Variants in URI1 observed in about 807,000 individuals in gnomAD.
URI1 encodes URI1 prefoldin like chaperone.
Under a neutral mutation model 60.2 loss-of-function variants are expected in URI1, and 39 were observed. The ratio of observed to expected loss-of-function variants is 0.65; its 90% CI spans 0.50 to 0.85. The LOEUF (loss-of-function observed/expected upper bound fraction) is 0.85, where lower values mean the gene tolerates loss of function less well. URI1 is among the 40% of genes least tolerant of loss of function. URI1 has a pLI of 0.00. For missense variants in URI1, 691 were observed against 665.9 expected (o/e 1.04, Z -0.42); for synonymous variants, 251 against 236.8 (o/e 1.06, Z -0.55).
upstream of URI1, chr19:29,942,162 G>C: frequency 7.2e-6 from 7 of 966,260 alleles, no homozygotes; most frequent in South Asian, 4.8e-5. Context: ...CTCCCCTGGG[G>C]GCGGGGCCTG....
chr19:30,006,336 G>T (rs752178386), intron 6 of URI1, among the ~76,000 whole-genome samples: 6 of 152,098 alleles, frequency 3.9e-5, no homozygotes, highest in Non-Finnish European at 8.8e-5. Context: ...TACTGTAGAA[G>T]ACTGTACAGT....
At chr19:29,956,285 C>CTTT (rs369678110) in intron 1 of URI1, 408 of 374,778 alleles carry the variant, frequency 1.1e-3, no homozygotes, top group South Asian at 3.2e-3. Flanking sequence ...CCAGAGTAGT[C>CTTT]TTTTTTTTTT....
Position 30,015,762 on chromosome 19 carries a change from T to C in URI1, c.*693T>C, listed in dbSNP as rs1483880647. ...AGTACAGATATGTCCTTGATTCATA[T>C]GTATGCTACATGTATCACACAACAG... On this transcript the variant is annotated 3_prime_UTR_variant, in exon 11 of 11. Transcript: ENST00000392271. The C allele has an allele frequency of 6.7e-6, 4 of 600,750 alleles. No individual in the cohort carries two copies. Among genetic ancestry groups the C allele is most frequent in the Non-Finnish European group, 8.6e-6 (3 of 347,018 alleles). 37.2% of individuals were successfully genotyped at this position (600,750 alleles called of 1,614,324 possible).
intron 1 of URI1, among the ~76,000 whole-genome samples, chr19:29,954,312 T>C (rs992754084): frequency 6.6e-6 from 1 of 152,232 alleles, no homozygotes; most frequent in Non-Finnish European, 1.5e-5. Context: ...TGAATTACTT[T>C]TTTTCTGTGC....
chr19:30,001,910 C>G (rs992276512), intron 4 of URI1, among the ~76,000 whole-genome samples: 1 of 151,936 alleles, frequency 6.6e-6, no homozygotes, highest in African/African-American at 2.4e-5. Context: ...ATTCAATGTG[C>G]TATTTTAAAG....
intron 1 of URI1, among the ~76,000 whole-genome samples, chr19:29,945,661 A>AAT (rs2055094105): frequency 6.6e-6 from 1 of 152,222 alleles, no homozygotes; most frequent in South Asian, 2.1e-4. Context: ...TTATAAAGAG[A>AAT]AAAACTAAAA....
At chr19:29,948,651 G>T (rs1429278393) in intron 1 of URI1, among the ~76,000 whole-genome samples, 2 of 152,104 alleles carry the variant, frequency 1.3e-5, no homozygotes, top group East Asian at 1.9e-4. Context: ...GAGAGCACGG[G>T]GCTGGGGGTA....
At chr19:30,009,959 T>TA (rs943314548) in intron 8 of URI1, among the ~76,000 whole-genome samples, 10 of 152,268 alleles carry the variant, frequency 6.6e-5, no homozygotes, top group Middle Eastern at 3.4e-3. Flanking sequence ...CCTCCATACT[T>TA]ACTGTAGAAT....
At chr19:29,941,986 T>G (rs572005228), upstream of URI1, among the ~76,000 whole-genome samples, 146 of 147,160 alleles carry the variant, frequency 9.9e-4, no homozygotes, top group Non-Finnish European at 1.6e-3. Flanking sequence ...AATGTAAGCT[T>G]TTTTTTTTTA....
At chr19:29,984,459 T>C (rs1475499924) in intron 2 of URI1, among the ~76,000 whole-genome samples, 1 of 152,146 alleles carries the variant, frequency 6.6e-6, no homozygotes, top group East Asian at 1.9e-4. Flanking sequence ...TTTTTCATCT[T>C]GAGTCCCTTC....
chr19:29,956,441 T>C, intron 1 of URI1: 2 of 1,585,938 alleles, frequency 1.3e-6, no homozygotes, highest in Non-Finnish European at 1.7e-6. Context: ...ACAGTTCCTT[T>C]TTCAGAGACA....
intron 1 of URI1, among the ~76,000 whole-genome samples, chr19:29,932,984 C>T (rs896577961): frequency 6.6e-6 from 1 of 152,104 alleles, no homozygotes; most frequent in African/African-American, 2.4e-5. Context: ...GGTGAATCAC[C>T]ATTGTGTCTC....
intron 1 of URI1, among the ~76,000 whole-genome samples, chr19:29,931,065 C>A (rs543492551): frequency 6.6e-6 from 1 of 151,994 alleles, no homozygotes; most frequent in African/African-American, 2.4e-5. Context: ...AAGTATGAGA[C>A]CTCCAACTTT....
chr19:29,967,888 C>T (rs76879476), intron 1 of URI1, among the ~76,000 whole-genome samples: 2,064 of 152,272 alleles, frequency 0.014, 47 homozygotes, highest in African/African-American at 0.047. Context: ...AAGATTTAAA[C>T]CGCCTCCATT....
intron 1 of URI1, among the ~76,000 whole-genome samples, chr19:29,949,674 A>G (rs942407653): frequency 3.9e-5 from 6 of 151,998 alleles, no homozygotes; most frequent in Non-Finnish European, 7.4e-5. Context: ...TCGGGGGGCC[A>G]AGGCTGGCAG....
chr19:29,977,291 G>C (rs2055535563), intron 2 of URI1, among the ~76,000 whole-genome samples: 1 of 151,734 alleles, frequency 6.6e-6, no homozygotes, highest in Non-Finnish European at 1.5e-5. Context: ...ACAATGCCAT[G>C]GTTTACAGTA....
chr19:30,015,296 T>G lies in URI1; in HGVS notation c.*227T>G, dbSNP rs1339252314. ...ATTCTCTGAATACTGTCAACACTCT[T>G]ATCTAAGTTTGCCTTTATGATGCAG... is the stretch of plus-strand genomic sequence containing the variant. On this transcript the variant is annotated 3_prime_UTR_variant, in exon 11 of 11. Transcript: ENST00000392271. 3 of 1,418,074 alleles carry G rather than the reference T, an allele frequency of 2.1e-6. No homozygotes were observed. Among genetic ancestry groups the G allele is most frequent in the Non-Finnish European group, 2.7e-6 (3 of 1,092,380 alleles). 87.8% of individuals were successfully genotyped at this position (1,418,074 alleles called of 1,614,324 possible). A position where few individuals can be genotyped will look rare whatever the true frequency, so the allele number is the denominator to read the frequency against.
chr19:29,929,878 C>G (rs954513463), intron 1 of URI1, among the ~76,000 whole-genome samples: 12 of 151,090 alleles, frequency 7.9e-5, no homozygotes, highest in African/African-American at 2.7e-4. Context: ...ATATAAGATA[C>G]AAGATTTGCA....
At chr19:29,957,771 A>G (rs2055268379) in intron 1 of URI1, among the ~76,000 whole-genome samples, 1 of 152,180 alleles carries the variant, frequency 6.6e-6, no homozygotes, top group Non-Finnish European at 1.5e-5. Flanking sequence ...AACATGGTAT[A>G]TCAATTTATT....
Sources: allele counts gnomAD v4.1 joint callset (sites outside exome capture counted in the v4.1 genomes callset), GRCh38; gene constraint gnomAD v4.1.1; transcripts MANE v1.5; gene names NCBI Gene and HGNC (gene_info 2026-07-23, HGNC 2026-07-21).